The following ASCC3 variants were observed in gnomAD, a reference collection of about 807,000 sequenced individuals.
ASCC3 encodes ASC-1 complex subunit P200.
In ASCC3, 158 loss-of-function variants were observed where a neutral mutation model predicts 256.3. The observed-to-expected ratio is 0.62, with a 90% CI of 0.54 to 0.70. ASCC3 has a LOEUF of 0.70. Ranked by LOEUF, ASCC3 falls within the 30% of genes least tolerant of loss-of-function variation. ASCC3 has a pLI of 0.00. For missense variants in ASCC3, 2,259 were observed against 2,626.0 expected (o/e 0.86, Z 3.05); for synonymous variants, 948 against 883.4 (o/e 1.07, Z -1.30).
intron 2 of ASCC3, among the ~76,000 whole-genome samples, 172 bp downstream of exon 2, chr6:100,867,736 C>T (rs972117495): frequency 2.6e-5 from 4 of 152,104 alleles, no homozygotes; most frequent in Non-Finnish European, 4.4e-5. Flanking sequence ...AGATGCTAAA[C>T]GTAAGTATTA....
At chr6:100,589,814 T>A (rs933732744) in intron 35 of ASCC3, 46 bp from the exon 36 acceptor site, 87 of 1,610,364 alleles carry the variant, frequency 5.4e-5, no homozygotes, top group Non-Finnish European at 7.2e-5. Flanking sequence ...AAAGTACATA[T>A]CTTTATAAAA....
chr6:100,809,053 GA>G (rs940192407), intron 4 of ASCC3, among the ~76,000 whole-genome samples: 2 of 152,012 alleles, frequency 1.3e-5, no homozygotes, highest in African/African-American at 4.8e-5. Flanking sequence ...TGCAGGATTG[GA>G]AATTACTCTA....
rs1773606873 is a variant in ASCC3, at chr6:100,508,495, T to C, written c.*891A>G. ...TTTATTACAGGTGAAAACCTATCCA[T>C]AGGGGTGAAAAATTTTCTGTCTCAG... On this transcript the variant is annotated 3_prime_UTR_variant, in exon 42 of 42. Transcript: ENST00000369162. 1 of 152,138 alleles carries C rather than the reference T, an allele frequency of 6.6e-6. No individual in the cohort carries two copies. Among genetic ancestry groups the C allele is most frequent in the Admixed American group, 6.5e-5 (1 of 15,278 alleles). The allele number at this position is 152,138 out of a possible 1,614,324, so 9.4% of individuals were successfully genotyped here. A position where few individuals can be genotyped will look rare whatever the true frequency, so the allele number is the denominator to read the frequency against.
intron 3 of ASCC3, among the ~76,000 whole-genome samples, chr6:100,850,729 A>G (rs1460602505): frequency 6.6e-6 from 1 of 152,232 alleles, no homozygotes; most frequent in Non-Finnish European, 1.5e-5. Context: ...TATCTGACAT[A>G]CAATTATTCT....
intron 13 of ASCC3, among the ~76,000 whole-genome samples, chr6:100,704,153 C>T (rs1220276041): frequency 1.3e-5 from 2 of 151,410 alleles, no homozygotes; most frequent in Non-Finnish European, 3.0e-5. Context: ...GAAAATGATT[C>T]CTTTAGATTT....
intron 15 of ASCC3, 73 bp from the exon 16 acceptor site, chr6:100,662,103 A>C: frequency 7.0e-7 from 1 of 1,432,500 alleles, no homozygotes; most frequent in Non-Finnish European, 9.8e-7. Context: ...GAATACTGAA[A>C]TTAGGCAAAT....
chr6:100,661,191 G>A (rs1486763820), intron 16 of ASCC3, among the ~76,000 whole-genome samples: 1 of 151,568 alleles, frequency 6.6e-6, no homozygotes, highest in Non-Finnish European at 1.5e-5. Flanking sequence ...AATTTAAAAT[G>A]TCACAAAAAC....
intron 17 of ASCC3, among the ~76,000 whole-genome samples, chr6:100,654,086 A>G (rs1775805119): frequency 6.6e-6 from 1 of 152,126 alleles, no homozygotes; most frequent in Non-Finnish European, 1.5e-5. Flanking sequence ...ACTGCAGGGA[A>G]GTAAGATGGA....
At chr6:100,736,824 A>G (rs558292049) in intron 10 of ASCC3, among the ~76,000 whole-genome samples, 8 of 152,200 alleles carry the variant, frequency 5.3e-5, no homozygotes, top group Admixed American at 4.6e-4. Flanking sequence ...TTTTTCAGGA[A>G]GACCTAAACT....
At chr6:100,751,102 C>A (rs1780917236) in intron 10 of ASCC3, among the ~76,000 whole-genome samples, 4 of 152,008 alleles carry the variant, frequency 2.6e-5, no homozygotes, top group Non-Finnish European at 1.5e-5. Flanking sequence ...AGCCCTTAGA[C>A]TATTCCCTCA....
chr6:100,539,748 CTTTA>C (rs138831126), intron 37 of ASCC3, among the ~76,000 whole-genome samples: 2,499 of 152,154 alleles, frequency 0.016, 58 homozygotes, highest in African/African-American at 0.057. Context: ...CCGTCTTTCT[CTTTA>C]TTTATTTTAC....
intron 23 of ASCC3, among the ~76,000 whole-genome samples, chr6:100,643,350 T>G (rs998407422): frequency 1.2e-4 from 18 of 152,152 alleles, no homozygotes; most frequent in Non-Finnish European, 2.1e-4. Context: ...TTAGAAGAAA[T>G]GCTCTTTTAA....
chr6:100,870,626 G>T (rs1199728910), intron 1 of ASCC3, among the ~76,000 whole-genome samples: 1 of 152,184 alleles, frequency 6.6e-6, no homozygotes, highest in Non-Finnish European at 1.5e-5. Context: ...GGAAAAAACA[G>T]TTGGACTCTC....
At chr6:100,715,408 A>G (rs781106360) in intron 13 of ASCC3, 54 bp downstream of exon 13, 39 of 1,457,198 alleles carry the variant, frequency 2.7e-5, no homozygotes, top group Non-Finnish European at 3.6e-5. Context: ...TTTTATCATT[A>G]AGCACTCTCT....
intron 10 of ASCC3, among the ~76,000 whole-genome samples, chr6:100,757,912 A>G (rs1781257075): frequency 6.6e-6 from 1 of 152,166 alleles, no homozygotes; most frequent in Admixed American, 6.6e-5. Context: ...AAGGACTGAG[A>G]GGGGGCACCA....
chr6:100,548,251 T>C (rs1029175993), intron 36 of ASCC3, among the ~76,000 whole-genome samples: 3 of 151,886 alleles, frequency 2.0e-5, no homozygotes, highest in Non-Finnish European at 2.9e-5. Context: ...TGGAACCCCT[T>C]AGAGAGTTCA....
chr6:100,838,066 C>T (rs968952877), intron 4 of ASCC3, among the ~76,000 whole-genome samples: 5 of 151,276 alleles, frequency 3.3e-5, no homozygotes, highest in African/African-American at 4.9e-5. Context: ...AATAGTATGA[C>T]CAAAAAAGTT....
intron 10 of ASCC3, among the ~76,000 whole-genome samples, chr6:100,752,670 C>A (rs1379747503): frequency 1.3e-5 from 2 of 152,026 alleles, no homozygotes; most frequent in African/African-American, 4.8e-5. Flanking sequence ...ATTAAATGGG[C>A]TAAATTCTAT....
At chr6:100,637,160 G>A (rs1395814109) in intron 25 of ASCC3, among the ~76,000 whole-genome samples, 1 of 151,998 alleles carries the variant, frequency 6.6e-6, no homozygotes, top group Non-Finnish European at 1.5e-5. Context: ...TTCTTGTTAG[G>A]GACTAATGCA....
Sources: allele counts gnomAD v4.1 joint callset (sites outside exome capture counted in the v4.1 genomes callset), GRCh38; gene constraint gnomAD v4.1.1; transcripts MANE v1.5; gene names NCBI Gene and HGNC (gene_info 2026-07-23, HGNC 2026-07-21).